Variants in TCF7 observed in about 807,000 individuals in gnomAD.
The protein encoded by TCF7 is transcription factor 7, also known as T-cell-factor-7.
TCF7 carries 19 observed loss-of-function variants against 46.8 expected under a neutral mutation model. The observed-to-expected ratio is 0.41, with a 90% CI of 0.28 to 0.60. The LOEUF is 0.60. Among genes scored for constraint, TCF7 ranks in the 20% least tolerant of loss-of-function variants. TCF7 has a pLI of 0.35. For synonymous variants in TCF7, 245 were observed against 213.4 expected, an observed-to-expected ratio of 1.15 and a Z score of -1.29; for missense variants, 547 against 504.6, an observed-to-expected ratio of 1.08 and a Z score of -0.81.
At chr5:134,134,452 G>A (rs1758577493) in intron 3 of TCF7, among the ~76,000 whole-genome samples, 1 of 152,252 alleles carries the variant, frequency 6.6e-6, no homozygotes, top group Admixed American at 6.5e-5. Context: ...TGTTCCTGAA[G>A]GAGTAGGCCC....
chr5:134,110,855 AAAAGG>A (rs1197609412), upstream of TCF7, among the ~76,000 whole-genome samples: 6 of 152,290 alleles, frequency 3.9e-5, no homozygotes, highest in African/African-American at 1.4e-4. Flanking sequence ...AGCTTGAAAG[AAAAGG>A]AAAGGAAATG....
At chr5:134,117,935 G>A (rs1756051946) in intron 3 of TCF7, among the ~76,000 whole-genome samples, 1 of 152,184 alleles carries the variant, frequency 6.6e-6, no homozygotes, top group Non-Finnish European at 1.5e-5. Context: ...TGCTCTGTGG[G>A]GCTGCAGAAA....
At chr5:134,145,766 G>A (rs1760604535) in intron 9 of TCF7, 1 of 1,613,966 alleles carries the variant, frequency 6.2e-7, no homozygotes, top group South Asian at 1.1e-5. Flanking sequence ...GAGAACTCAA[G>A]GATGGTAATG....
chr5:134,138,906 TGCCAGGTCAGGC>T, intron 4 of TCF7, 33 bp from the exon 5 acceptor site: 1 of 1,609,640 alleles, frequency 6.2e-7, no homozygotes, highest in African/African-American at 1.3e-5. Flanking sequence ...TGATATGGCC[TGCCAGGTCAGGC>T]TAGCCCACTC....
intron 3 of TCF7, among the ~76,000 whole-genome samples, chr5:134,133,227 A>G (rs557045717): frequency 6.6e-6 from 1 of 152,272 alleles, no homozygotes; most frequent in African/African-American, 2.4e-5. Flanking sequence ...TGAGGCATCA[A>G]TGCATTTAAA....
chr5:134,121,491 A>T (rs184642946), intron 3 of TCF7, among the ~76,000 whole-genome samples: 140 of 151,598 alleles, frequency 9.2e-4, no homozygotes, highest in Non-Finnish European at 1.8e-3. Flanking sequence ...CAGGAGGCTG[A>T]GGCAGGAGAA....
At chr5:134,140,827 T>A in intron 5 of TCF7, 2 of 455,476 alleles carry the variant, frequency 4.4e-6, no homozygotes, top group South Asian at 3.1e-5. Flanking sequence ...CCTGTCCCCT[T>A]CCTGCGGATA....
Position 134,129,701 on chromosome 5 carries a change from C to T in TCF7, c.442-8358C>T, listed in dbSNP as rs142406004. Among the ~76,000 whole-genome samples, 595 of 152,378 alleles carry T rather than the reference C, an allele frequency of 3.9e-3. 7 individuals are homozygous for T. The highest frequency in any genetic ancestry group is 0.013 in the African/African-American group (551 of 41,590). ...CCACGCCACTCGGCTAAGTGGGGCT[C>T]AGTGAGTTCCGAGGGTGCCTCGGGC... On this transcript the variant is annotated intron_variant, in intron 3 of 9. Transcript: ENST00000342854.
rs77818793 is a variant in TCF7 at position 134,134,603 on chromosome 5, C to T, written c.442-3456C>T. 2.6e-4 allele frequency among the ~76,000 whole-genome samples: 39 copies of T among 152,304 alleles called. No homozygotes were observed. The East Asian group carries it at 7.5e-3, about 29-fold the overall frequency. On this transcript the variant is annotated intron_variant, in intron 3 of 9. Coordinates refer to ENST00000342854, the MANE Select transcript of TCF7 (RefSeq NM_003202.5). The stretch of plus-strand genomic sequence containing the variant: ...AGGAAACTTCCTACTTTAACAGGCC[C>T]TTGGCTCCTTCTCCCTGGAACTTTA...
chr5:134,115,122 G>T lies in TCF7; in HGVS notation c.216G>T (p.Pro72=). Residue 72 remains proline (P), a synonymous_variant, in exon 1 of 10, where the codon CCG becomes CCT. Coordinates refer to ENST00000342854, the MANE Select transcript of TCF7 (RefSeq NM_003202.5). ...GCGGCGCAGGGATCCCGGGGGTCCC[G>T]GGGGCCGGCGCCGGGGCCCGCGGCG... The part of the protein sequence containing the change: ...AAGGAGIPGV[P]GAGAGARGEA... The T allele has an allele frequency of 2.0e-6, 2 of 1,017,444 alleles. No homozygotes were observed. The highest frequency in any genetic ancestry group is 2.3e-6 in the Non-Finnish European group (2 of 851,668). The allele number at this position is 1,017,444 out of a possible 1,614,324, so 63.0% of individuals were successfully genotyped here. A position where few individuals can be genotyped will look rare whatever the true frequency, so the allele number is the denominator to read the frequency against.
chr5:134,143,842 A>G, intron 9 of TCF7: 1 of 601,026 alleles, frequency 1.7e-6, no homozygotes, highest in African/African-American at 1.9e-5. Flanking sequence ...AGGGAAACCC[A>G]GCAGAACTGG....
Position 134,125,535 on chromosome 5 carries a change from G to A in TCF7, c.441+9502G>A, listed in dbSNP as rs538806156. 2.0e-5 allele frequency among the ~76,000 whole-genome samples: 3 copies of A among 152,350 alleles called. No homozygotes were observed. In the East Asian group the frequency reaches 5.8e-4, roughly 29 times the overall value. ...GGTGAAAGCTTCAGGCCCTGTGGCT[G>A]TACCCAAGGCAGAATGTCTGGGAGA... On this transcript the variant is annotated intron_variant, in intron 3 of 9. Coordinates refer to ENST00000342854, the MANE Select transcript of TCF7 (RefSeq NM_003202.5).
chr5:134,131,682 A>C (rs140517933), intron 3 of TCF7, among the ~76,000 whole-genome samples: 11 of 152,326 alleles, frequency 7.2e-5, no homozygotes, highest in Admixed American at 2.6e-4. Flanking sequence ...GAGATGACTA[A>C]CCAGCAGACC....
chr5:134,147,908 G>C lies in TCF7; in HGVS notation c.*1605G>C, dbSNP rs1272289848. ...GAAGAATCACTTGAACCCGGGAGGCGGAGGTTCCAGTGAGCCGAGATGGCG... is the reference window on the plus strand; with the variant it reads ...GAAGAATCACTTGAACCCGGGAGGCCGAGGTTCCAGTGAGCCGAGATGGCG... On this transcript the variant is annotated 3_prime_UTR_variant, in exon 10 of 10. Transcript: ENST00000342854. 6.7e-6 allele frequency: 1 copy of C among 150,190 alleles called. No homozygotes were observed. Among genetic ancestry groups the C allele is most frequent in the Non-Finnish European group, 1.5e-5 (1 of 67,762 alleles). 9.3% of individuals were successfully genotyped at this position (150,190 alleles called of 1,614,324 possible). A position where few individuals can be genotyped will look rare whatever the true frequency, so the allele number is the denominator to read the frequency against.
chr5:134,114,265 AGC>A (rs1755488685), upstream of TCF7, among the ~76,000 whole-genome samples: 1 of 152,074 alleles, frequency 6.6e-6, no homozygotes, highest in Non-Finnish European at 1.5e-5. Flanking sequence ...CACAGCCTCA[AGC>A]AGCCTCAAGC....
chr5:134,126,184 G>A (rs1315979603), intron 3 of TCF7, among the ~76,000 whole-genome samples: 2 of 152,254 alleles, frequency 1.3e-5, no homozygotes, highest in East Asian at 1.9e-4. Flanking sequence ...GGCAGTGGCA[G>A]CAGTGAGGTC....
chr5:134,124,852 C>T (rs1028548943), intron 3 of TCF7, among the ~76,000 whole-genome samples: 1 of 152,186 alleles, frequency 6.6e-6, no homozygotes, highest in African/African-American at 2.4e-5. Flanking sequence ...AGGCCTGCCC[C>T]CACTCCACCA....
chr5:134,122,085 T>G (rs778811677), intron 3 of TCF7, among the ~76,000 whole-genome samples: 1 of 152,204 alleles, frequency 6.6e-6, no homozygotes, highest in Non-Finnish European at 1.5e-5. Context: ...CAGCCTCTTT[T>G]CTGCTGCTTC....
chr5:134,127,727 G>A (rs1035540194), intron 3 of TCF7, among the ~76,000 whole-genome samples: 19 of 152,168 alleles, frequency 1.2e-4, no homozygotes, highest in African/African-American at 4.3e-4. Context: ...CTGCCCCGCC[G>A]CCTCCCATCC....
Sources: allele counts gnomAD v4.1 joint callset (sites outside exome capture counted in the v4.1 genomes callset), GRCh38; gene constraint gnomAD v4.1.1; transcripts MANE v1.5; gene names NCBI Gene and HGNC (gene_info 2026-07-23, HGNC 2026-07-21).